Variants in IGSF21 observed in about 807,000 individuals in gnomAD.
IGSF21 encodes immunoglobulin superfamily member 21.
A neutral mutation model predicts 46.8 loss-of-function variants in IGSF21; 28 were observed. That is an observed-to-expected ratio of 0.60 (90% CI 0.44 to 0.82). The LOEUF is 0.82. Among genes scored for constraint, IGSF21 ranks in the 40% least tolerant of loss-of-function variants. The pLI, the probability that IGSF21 is intolerant of heterozygous loss-of-function variation, is 0.00. For synonymous variants in IGSF21, 284 were observed against 273.6 expected, an observed-to-expected ratio of 1.04 and a Z score of -0.38; for missense variants, 624 against 665.5, an observed-to-expected ratio of 0.94 and a Z score of 0.69.
At chr1:18,215,575 C>T (rs957638302) in intron 1 of IGSF21, among the ~76,000 whole-genome samples, 1 of 152,096 alleles carries the variant, frequency 6.6e-6, no homozygotes, top group Non-Finnish European at 1.5e-5. Context: ...GTGATGGGGG[C>T]AAAGTGACGG....
chr1:18,287,882 A>G (rs964862274), intron 2 of IGSF21, among the ~76,000 whole-genome samples: 2 of 152,046 alleles, frequency 1.3e-5, no homozygotes, highest in Non-Finnish European at 2.9e-5. Flanking sequence ...ACTGAATTCC[A>G]CATCCTCTGG....
intron 1 of IGSF21, among the ~76,000 whole-genome samples, chr1:18,125,425 G>A (rs2086267075): frequency 6.6e-6 from 1 of 152,190 alleles, no homozygotes; most frequent in Admixed American, 6.5e-5. Flanking sequence ...AAATTACCAA[G>A]GCCTGTGTGG....
chr1:18,111,681 A>C (rs1028769322), intron 1 of IGSF21: 1 of 152,232 alleles, frequency 6.6e-6, no homozygotes, highest in Non-Finnish European at 1.5e-5. Context: ...GTCAAGCAGG[A>C]TGCTGGCTGC....
At chr1:18,294,637 A>C (rs2085295334) in intron 3 of IGSF21, among the ~76,000 whole-genome samples, 1 of 152,194 alleles carries the variant, frequency 6.6e-6, no homozygotes. Context: ...CTTAAGCCTG[A>C]TATCAGGAGC....
At chr1:18,165,088 T>C (rs1409798389) in intron 1 of IGSF21, among the ~76,000 whole-genome samples, 2 of 152,044 alleles carry the variant, frequency 1.3e-5, no homozygotes, top group Non-Finnish European at 2.9e-5. Context: ...GGCTGCGTGG[T>C]ATTTCATGGT....
At chr1:18,284,939 A>G (rs953176454) in intron 2 of IGSF21, among the ~76,000 whole-genome samples, 1 of 150,716 alleles carries the variant, frequency 6.6e-6, no homozygotes, top group Non-Finnish European at 1.5e-5. Context: ...CAGCTGCTCC[A>G]TTTCCAGGAG....
chr1:18,366,441 C>A (rs554085441), intron 6 of IGSF21, among the ~76,000 whole-genome samples: 35 of 152,042 alleles, frequency 2.3e-4, no homozygotes, highest in Non-Finnish European at 4.1e-4. Flanking sequence ...GAGGTCATGG[C>A]ATGCTCAGGG....
intron 4 of IGSF21, among the ~76,000 whole-genome samples, chr1:18,354,702 C>A (rs998808343): frequency 6.6e-6 from 1 of 152,030 alleles, no homozygotes; most frequent in Admixed American, 6.5e-5. Flanking sequence ...TAAGCACCTT[C>A]GTAGAGTGGT....
At chr1:18,108,655 T>G (rs2086114140) in intron 1 of IGSF21, among the ~76,000 whole-genome samples, 2 of 151,764 alleles carry the variant, frequency 1.3e-5, no homozygotes, top group African/African-American at 4.8e-5. Flanking sequence ...ATGTGCCACC[T>G]TCCCTGTGAG....
intron 2 of IGSF21, among the ~76,000 whole-genome samples, chr1:18,244,473 G>A (rs1315933195): frequency 1.3e-5 from 2 of 152,222 alleles, no homozygotes; most frequent in African/African-American, 4.8e-5. Flanking sequence ...GAAAGCTCGT[G>A]AAGGAAAGGC....
At chr1:18,313,620 C>A (rs576571975) in intron 3 of IGSF21, among the ~76,000 whole-genome samples, 14 of 152,170 alleles carry the variant, frequency 9.2e-5, no homozygotes, top group Non-Finnish European at 1.6e-4. Flanking sequence ...AGATATTGTG[C>A]TGGGCTCCAG....
chr1:18,327,577 T>A (rs2085669987), intron 3 of IGSF21, among the ~76,000 whole-genome samples: 1 of 151,994 alleles, frequency 6.6e-6, no homozygotes, highest in Non-Finnish European at 1.5e-5. Context: ...GACGCAACAA[T>A]TGGTGAAGGC....
chr1:18,208,526 A>C (rs183822336), intron 1 of IGSF21, among the ~76,000 whole-genome samples: 13 of 144,392 alleles, frequency 9.0e-5, no homozygotes, highest in African/African-American at 3.0e-4. Context: ...GGACTACAGG[A>C]GCCCACCATC....
chr1:18,174,466 G>A (rs879594025), intron 1 of IGSF21, among the ~76,000 whole-genome samples: 7 of 152,192 alleles, frequency 4.6e-5, no homozygotes, highest in East Asian at 1.9e-4. Flanking sequence ...AGAGGATGAC[G>A]GGAAGGCCCA....
chr1:18,167,939 T>A (rs2086695725), intron 1 of IGSF21, among the ~76,000 whole-genome samples: 1 of 148,926 alleles, frequency 6.7e-6, no homozygotes, highest in South Asian at 2.1e-4. Context: ...TTCTTCTCCC[T>A]GCTCCACGTG....
intron 1 of IGSF21, among the ~76,000 whole-genome samples, chr1:18,123,131 G>A (rs559157127): frequency 7.2e-5 from 11 of 152,172 alleles, no homozygotes; most frequent in South Asian, 2.1e-4. Flanking sequence ...CCACTCTCCC[G>A]GGTCCGTAAA....
intron 2 of IGSF21, among the ~76,000 whole-genome samples, chr1:18,230,308 C>A (rs376303829): frequency 9.2e-5 from 14 of 152,134 alleles, no homozygotes; most frequent in Non-Finnish European, 8.8e-5. Context: ...CTCTCTCCCC[C>A]ACTCTTGCTG....
chr1:18,227,653 A>G (rs1449550897), intron 1 of IGSF21, among the ~76,000 whole-genome samples: 3 of 151,756 alleles, frequency 2.0e-5, no homozygotes, highest in African/African-American at 7.3e-5. Context: ...GGAGGGATCC[A>G]TTGGAGCCAG....
intron 1 of IGSF21, among the ~76,000 whole-genome samples, chr1:18,217,885 C>A (rs1395828099): frequency 1.3e-5 from 2 of 152,164 alleles, no homozygotes; most frequent in African/African-American, 4.8e-5. Flanking sequence ...GGACACTATC[C>A]GACAGGGTTG....
Sources: gnomAD v4.1 joint callset for allele counts (sites outside exome capture counted in the v4.1 genomes callset) on GRCh38, gnomAD v4.1.1 for gene constraint, MANE v1.5 for transcripts, NCBI Gene and HGNC (gene_info 2026-07-23, HGNC 2026-07-21) for gene names.